The following ZMAT4 variants were observed in gnomAD, a reference collection of about 807,000 sequenced individuals.
ZMAT4 encodes the protein zinc finger matrin-type 4, also known as zinc finger matrin-type protein 4.
In ZMAT4, 17 loss-of-function variants were observed where a neutral mutation model predicts 28.7. The ratio of observed to expected loss-of-function variants is 0.59; its 90% CI spans 0.41 to 0.89. ZMAT4 has a LOEUF of 0.89. ZMAT4 is among the 40% of genes least tolerant of loss of function. The pLI is 0.00. For missense variants in ZMAT4, 240 were observed against 283.8 expected, an observed-to-expected ratio of 0.85 and a Z score of 1.11; for synonymous variants, 117 against 109.2, an observed-to-expected ratio of 1.07 and a Z score of -0.44.
chr8:40,744,555 T>C (rs1047931712), intron 3 of ZMAT4, among the ~76,000 whole-genome samples: 1 of 152,152 alleles, frequency 6.6e-6, no homozygotes, highest in Non-Finnish European at 1.5e-5. Context: ...AGCTGAAGCC[T>C]TCACTCCACT....
At chr8:40,869,379 T>G (rs1205377150) in intron 1 of ZMAT4, among the ~76,000 whole-genome samples, 1 of 152,196 alleles carries the variant, frequency 6.6e-6, no homozygotes, top group South Asian at 2.1e-4. Context: ...TTGTTTTGTT[T>G]TTGTTTTTTG....
chr8:40,680,146 T>G (rs1809092615), intron 4 of ZMAT4, among the ~76,000 whole-genome samples: 1 of 152,190 alleles, frequency 6.6e-6, no homozygotes, highest in African/African-American at 2.4e-5. Context: ...CCCCCAAACT[T>G]ATATTTTCTG....
At chr8:40,585,920 G>T (rs1804657975) in intron 5 of ZMAT4, among the ~76,000 whole-genome samples, 1 of 152,120 alleles carries the variant, frequency 6.6e-6, no homozygotes, top group Non-Finnish European at 1.5e-5. Flanking sequence ...CTTGCAATAG[G>T]CATAAATATT....
intron 1 of ZMAT4, among the ~76,000 whole-genome samples, chr8:40,887,533 G>A (rs1818502524): frequency 6.6e-6 from 1 of 151,800 alleles, no homozygotes; most frequent in Admixed American, 6.6e-5. Flanking sequence ...TAAAATAGTG[G>A]TTTGGTATAG....
intron 2 of ZMAT4, among the ~76,000 whole-genome samples, chr8:40,772,913 A>C (rs756633749): frequency 1.3e-5 from 2 of 152,168 alleles, no homozygotes; most frequent in Admixed American, 6.5e-5. Flanking sequence ...GGGTTCCTGC[A>C]AAACAACCGG....
intron 2 of ZMAT4, among the ~76,000 whole-genome samples, chr8:40,812,114 G>C (rs1190936339): frequency 2.0e-5 from 3 of 152,118 alleles, no homozygotes; most frequent in East Asian, 3.9e-4. Flanking sequence ...CTGGGTGACA[G>C]AGTGAGACTC....
chr8:40,707,907 G>A (rs529370992), intron 3 of ZMAT4, among the ~76,000 whole-genome samples: 4 of 152,114 alleles, frequency 2.6e-5, no homozygotes, highest in East Asian at 1.9e-4. Flanking sequence ...AATATCTATC[G>A]ATTGATGAAA....
intron 2 of ZMAT4, among the ~76,000 whole-genome samples, chr8:40,804,562 C>T (rs1350371905): frequency 2.6e-5 from 4 of 152,002 alleles, no homozygotes; most frequent in African/African-American, 9.7e-5. Flanking sequence ...AAGACCAGGC[C>T]AGGAGCGGTG....
At chr8:40,621,197 C>T (rs944981384) in intron 5 of ZMAT4, among the ~76,000 whole-genome samples, 1 of 152,106 alleles carries the variant, frequency 6.6e-6, no homozygotes, top group African/African-American at 2.4e-5. Context: ...TTACTTAGTG[C>T]CAGACACAGT....
At chr8:40,840,349 G>T (rs1422475966) in intron 1 of ZMAT4, among the ~76,000 whole-genome samples, 2 of 152,122 alleles carry the variant, frequency 1.3e-5, no homozygotes, top group African/African-American at 4.8e-5. Context: ...TCCCCATGCA[G>T]TTGGCTGAGG....
chr8:40,722,381 G>A (rs990478200), intron 3 of ZMAT4, among the ~76,000 whole-genome samples: 2 of 152,196 alleles, frequency 1.3e-5, no homozygotes, highest in Non-Finnish European at 2.9e-5. Context: ...GTAATTTAGA[G>A]CTATTAGCCA....
chr8:40,621,366 C>G (rs2118691777), intron 5 of ZMAT4, among the ~76,000 whole-genome samples: 1 of 152,306 alleles, frequency 6.6e-6, no homozygotes, highest in Middle Eastern at 3.4e-3. Flanking sequence ...CAATCCCCAA[C>G]TAGTACTCAA....
chr8:40,792,715 G>GAGAGGGGAGGGGAGGGGAGA (rs1814415200), intron 2 of ZMAT4, among the ~76,000 whole-genome samples: 1 of 23,932 alleles, frequency 4.2e-5, no homozygotes, highest in Non-Finnish European at 8.3e-5. Flanking sequence ...AGGGGAGGAG[G>GAGAGGGGAGGGGAGGGGAGA]TGGGGAGGGG....
In ZMAT4 at chr8:40,696,422, T is replaced by C. The variant is rs577312131; in HGVS notation, c.349+823A>G. Among the ~76,000 whole-genome samples the C allele has an allele frequency of 2.6e-5, 4 of 152,346 alleles. 1 individual carries two copies. The South Asian group carries it at 8.3e-4, about 32-fold the overall frequency. ...GATAAAATGTACTGCTAAATTTTAATCGCATGGAAAGAGTAGGCACCATGA... is the reference window on the plus strand; with the variant it reads ...GATAAAATGTACTGCTAAATTTTAACCGCATGGAAAGAGTAGGCACCATGA... On this transcript the variant is annotated intron_variant, in intron 4 of 6. Coordinates refer to ENST00000297737, the MANE Select transcript of ZMAT4 (RefSeq NM_024645.3).
At chr8:40,598,869 G>T (rs1297006166) in intron 5 of ZMAT4, among the ~76,000 whole-genome samples, 2 of 152,028 alleles carry the variant, frequency 1.3e-5, no homozygotes, top group Non-Finnish European at 2.9e-5. Context: ...ATTGTTACGG[G>T]GTTTTCCTGA....
At chr8:40,831,123 A>G (rs1024494762) in intron 1 of ZMAT4, among the ~76,000 whole-genome samples, 1 of 152,202 alleles carries the variant, frequency 6.6e-6, no homozygotes, top group African/African-American at 2.4e-5. Context: ...CATTGAAATC[A>G]TAGCTTTTAT....
intron 5 of ZMAT4, among the ~76,000 whole-genome samples, chr8:40,610,318 T>A (rs1805750715): frequency 6.6e-6 from 1 of 152,220 alleles, no homozygotes; most frequent in Non-Finnish European, 1.5e-5. Flanking sequence ...TATACTTACC[T>A]TTTATCATAG....
chr8:40,567,886 T>C (rs967190587), intron 6 of ZMAT4, among the ~76,000 whole-genome samples: 1 of 152,140 alleles, frequency 6.6e-6, no homozygotes, highest in Non-Finnish European at 1.5e-5. Flanking sequence ...ATGTCATCAC[T>C]CAGATTTAAT....
chr8:40,881,599 A>AAAGAAAGAAAGAAAGAAAGAAAG (rs750851490), intron 1 of ZMAT4, among the ~76,000 whole-genome samples: 3 of 78,202 alleles, frequency 3.8e-5, no homozygotes, highest in African/African-American at 1.0e-4. Context: ...AGAAAGAAAG[A>AAAGAAAGAAAGAAAGAAAGAAAG]AAAGAAAAGA....
Sources: gnomAD v4.1 joint callset for allele counts (sites outside exome capture counted in the v4.1 genomes callset) on GRCh38, gnomAD v4.1.1 for gene constraint, MANE v1.5 for transcripts, NCBI Gene and HGNC (gene_info 2026-07-23, HGNC 2026-07-21) for gene names.